The following PTGES3 variants were observed in gnomAD, a reference collection of about 807,000 sequenced individuals.
PTGES3 encodes the protein Hsp90 co-chaperone.
Under a neutral mutation model 29.9 loss-of-function variants are expected in PTGES3, and 5 were observed. That is an observed-to-expected ratio of 0.17 (90% CI 0.09 to 0.35). PTGES3 has a LOEUF of 0.35. Ranked by LOEUF, PTGES3 falls within the 10% of genes least tolerant of loss-of-function variation. The probability of loss-of-function intolerance (pLI) is 1.00; values close to 1 mark genes in which losing one functional copy is unlikely to be tolerated. For missense variants in PTGES3, 128 were observed against 190.0 expected (o/e 0.67, Z 1.92); for synonymous variants, 49 against 57.8 (o/e 0.85, Z 0.69).
chr12:56,677,248 CAAAA>C (rs35136696), intron 1 of PTGES3, among the ~76,000 whole-genome samples: 1 of 110,066 alleles, frequency 9.1e-6, no homozygotes, highest in African/African-American at 3.1e-5. Context: ...CCGCACCACC[CAAAA>C]AAAAAAAAAA....
intron 1 of PTGES3, among the ~76,000 whole-genome samples, chr12:56,674,682 C>T (rs1952143762): frequency 6.6e-6 from 1 of 151,454 alleles, no homozygotes; most frequent in Non-Finnish European, 1.5e-5. Context: ...AAAAATTAGC[C>T]AGGCATGGTG....
intron 1 of PTGES3, among the ~76,000 whole-genome samples, chr12:56,681,313 C>A (rs1055917217): frequency 6.8e-6 from 1 of 147,000 alleles, no homozygotes; most frequent in Non-Finnish European, 1.5e-5. Context: ...CCGAGGAGGG[C>A]GGATCACGAG....
Position 56,663,785 on chromosome 12 carries a change from A to T in PTGES3, c.*694T>A, listed in dbSNP as rs895526683. On this transcript the variant is annotated 3_prime_UTR_variant, in exon 8 of 8. Transcript: ENST00000262033. ...CAGTGCAAATACAAATCTGGACTAA[A>T]TGTACAGACTCTCAAGCAACAATGT... 2.6e-5 allele frequency: 4 copies of T among 152,312 alleles called. No homozygotes were observed. The highest frequency in any genetic ancestry group is 9.7e-5 in the African/African-American group (4 of 41,308). The allele number at this position is 152,312 out of a possible 1,614,324, so 9.4% of individuals were successfully genotyped here.
Position 56,664,652 on chromosome 12 carries a change from G to C in PTGES3, c.463+124C>G. On this transcript the variant is annotated intron_variant, in intron 7 of 7. Coordinates refer to ENST00000262033, the MANE Select transcript of PTGES3 (RefSeq NM_006601.7). ...ATCAAGTTATTCACATTTCTGCTTTGGTTATTTATTCAAGGTCATAAAGAA... is the reference window on the plus strand; with the variant it reads ...ATCAAGTTATTCACATTTCTGCTTTCGTTATTTATTCAAGGTCATAAAGAA... 2.2e-6 allele frequency: 3 copies of C among 1,377,372 alleles called. No homozygotes were observed. The South Asian group carries it at 3.9e-5, about 18-fold the overall frequency. The allele number at this position is 1,377,372 out of a possible 1,614,324, so 85.3% of individuals were successfully genotyped here. A position where few individuals can be genotyped will look rare whatever the true frequency, so the allele number is the denominator to read the frequency against.
rs752778550 is a variant in PTGES3 at position 56,673,117 on chromosome 12, T to G, written c.3-52A>C. Reference sequence around the variant, plus strand: ...CAAGCTGGAATTCATTAACTAAACATTCACATACTAACCTTCGACACCATT... The same window carrying G: ...CAAGCTGGAATTCATTAACTAAACAGTCACATACTAACCTTCGACACCATT... On this transcript the variant is annotated intron_variant, in intron 1 of 7. Transcript: ENST00000262033. 6 of 1,234,778 alleles carry G rather than the reference T, an allele frequency of 4.9e-6. No homozygotes were observed. The South Asian group carries it at 6.7e-5, about 14-fold the overall frequency. The allele number at this position is 1,234,778 out of a possible 1,614,324, so 76.5% of individuals were successfully genotyped here. A position where few individuals can be genotyped will look rare whatever the true frequency, so the allele number is the denominator to read the frequency against.
intron 1 of PTGES3, among the ~76,000 whole-genome samples, chr12:56,682,273 A>G (rs192487495): frequency 2.6e-4 from 40 of 152,292 alleles, no homozygotes; most frequent in Admixed American, 2.1e-3. Flanking sequence ...GCTGAAGGTG[A>G]AGTTAAAATA....
At chr12:56,667,092 G>C (rs1294312157) in intron 5 of PTGES3, among the ~76,000 whole-genome samples, 2 of 151,398 alleles carry the variant, frequency 1.3e-5, no homozygotes, top group East Asian at 2.0e-4. Flanking sequence ...GTTAGTTTTT[G>C]TATCTTTGGT....
intron 1 of PTGES3, chr12:56,687,034 T>G: frequency 2.9e-6 from 1 of 350,604 alleles, no homozygotes; most frequent in Non-Finnish European, 4.8e-6. Flanking sequence ...AAAAAAACCC[T>G]GTAAAACCGG....
chr12:56,674,635 G>A (rs1952141568), intron 1 of PTGES3, among the ~76,000 whole-genome samples: 1 of 151,716 alleles, frequency 6.6e-6, no homozygotes, highest in African/African-American at 2.4e-5. Context: ...GACCATCCTG[G>A]CTAACACGAT....
Position 56,664,783 on chromosome 12 carries a change from A to G in PTGES3, c.456T>C (p.Asp152=). 6.3e-7 allele frequency: 1 copy of G among 1,597,356 alleles called. No homozygotes were observed. The highest frequency in any genetic ancestry group is 1.7e-5 in the Admixed American group (1 of 57,688). Residue 152 remains aspartate (D), a synonymous_variant, in exon 7 of 8, where the codon GAT becomes GAC. Coordinates refer to ENST00000262033, the MANE Select transcript of PTGES3 (RefSeq NM_006601.7). ...CTTTTTATATACACTTACTTTCATC[A>G]TCACTGTCTTGTGAATCCTGAAAGA... The part of the protein sequence containing the change: ...DGADDDSQDS[D]DEKMPDLE
chr12:56,672,433 G>A (rs760884374), intron 3 of PTGES3, among the ~76,000 whole-genome samples: 2 of 152,158 alleles, frequency 1.3e-5, no homozygotes, highest in African/African-American at 2.4e-5. Flanking sequence ...GGCAGAGGTT[G>A]CAGTGAGCCG....
At chr12:56,664,706 C>T (rs111384692) in intron 7 of PTGES3, 70 bp downstream of exon 7, 30 of 1,522,900 alleles carry the variant, frequency 2.0e-5, no homozygotes, top group African/African-American at 1.8e-4. Flanking sequence ...AAGAAGTTAA[C>T]ATCTCTATTT....
In PTGES3 at chr12:56,672,966, G is replaced by C; in HGVS notation, c.102C>G (p.Ser34=). Residue 34 remains serine (S), a synonymous_variant, in exon 2 of 8, where the codon TCC becomes TCG. Transcript: ENST00000262033. ...GCTTAACTTACCTGAATGTAAGTTT[G>C]GATTTTTCAAAATTTACATTAACAT... ...SKDVNVNFEK[S]KLTFSCLGGS... is the part of the protein sequence containing the mutation. The C allele has an allele frequency of 1.2e-6, 2 of 1,601,564 alleles. No individual in the cohort carries two copies. Among genetic ancestry groups the C allele is most frequent in the Non-Finnish European group, 1.7e-6 (2 of 1,175,286 alleles).
At chr12:56,687,974 C>T (rs1281725707) in intron 1 of PTGES3, 24 bp downstream of exon 1, 2 of 1,601,906 alleles carry the variant, frequency 1.2e-6, no homozygotes, top group East Asian at 4.6e-5. Flanking sequence ...CGGCGACCTT[C>T]CCTCGGCGGG....
intron 1 of PTGES3, 64 bp from the exon 2 acceptor site, chr12:56,673,129 C>A: frequency 9.4e-7 from 1 of 1,058,958 alleles, no homozygotes; most frequent in Non-Finnish European, 1.4e-6. Context: ...CACATACTAA[C>A]CTTCGACACC....
intron 5 of PTGES3, among the ~76,000 whole-genome samples, chr12:56,667,254 A>C (rs1430181882): frequency 6.6e-6 from 1 of 152,250 alleles, no homozygotes. Context: ...TATTGTGAAG[A>C]ACCAAGAAAT....
intron 6 of PTGES3, chr12:56,665,191 C>G (rs1447436160): frequency 1.0e-6 from 1 of 984,810 alleles, no homozygotes; most frequent in African/African-American, 1.8e-5. Flanking sequence ...CATTAAATAA[C>G]TTTCTGGGAG....
At chr12:56,666,124 T>C (rs1951776449) in intron 6 of PTGES3, 80 bp downstream of exon 6, 4 of 1,472,272 alleles carry the variant, frequency 2.7e-6, no homozygotes, top group South Asian at 2.7e-5. Flanking sequence ...TGTGAATCTA[T>C]ATAAAACCAT....
intron 1 of PTGES3, among the ~76,000 whole-genome samples, chr12:56,686,684 A>G (rs1952877929): frequency 1.3e-5 from 2 of 151,984 alleles, no homozygotes; most frequent in African/African-American, 4.8e-5. Context: ...GCCTAATTCA[A>G]ATTTTTTAAA....
Sources: allele counts gnomAD v4.1 joint callset (sites outside exome capture counted in the v4.1 genomes callset), GRCh38; gene constraint gnomAD v4.1.1; transcripts MANE v1.5; gene names NCBI Gene and HGNC (gene_info 2026-07-23, HGNC 2026-07-21).